IPPK: variants seen among roughly 807,000 people sequenced by gnomAD.
IPPK encodes inositol-pentakisphosphate 2-kinase.
In IPPK, 22 loss-of-function variants were observed where a neutral mutation model predicts 64.6. The ratio of observed to expected loss-of-function variants is 0.34; its 90% CI spans 0.24 to 0.49. The LOEUF (loss-of-function observed/expected upper bound fraction) is 0.49. Among genes scored for constraint, IPPK ranks in the 20% least tolerant of loss-of-function variants. The pLI is 0.99. For missense variants in IPPK, 532 were observed against 630.7 expected (o/e 0.84, Z 1.68); for synonymous variants, 262 against 247.2 (o/e 1.06, Z -0.56).
intron 1 of IPPK, among the ~76,000 whole-genome samples, chr9:92,661,315 G>A (rs1382396912): frequency 6.6e-6 from 1 of 152,208 alleles, no homozygotes; most frequent in Non-Finnish European, 1.5e-5. Flanking sequence ...GGTCATGTGG[G>A]GTGAAGCCAA....
At chr9:92,638,522 A>G (rs1016801080) in intron 8 of IPPK, among the ~76,000 whole-genome samples, 7 of 152,220 alleles carry the variant, frequency 4.6e-5, no homozygotes, top group African/African-American at 1.7e-4. Context: ...AAAACTAAAG[A>G]GCAGTGCCCT....
intron 11 of IPPK, among the ~76,000 whole-genome samples, chr9:92,629,707 C>CAAAA (rs201735483): frequency 1.1e-5 from 1 of 94,682 alleles, no homozygotes. Flanking sequence ...GATTCTATCT[C>CAAAA]AAAAAAAAAA....
chr9:92,626,193 T>G (rs146108168), intron 11 of IPPK, among the ~76,000 whole-genome samples: 5,528 of 152,074 alleles, frequency 0.036, 140 homozygotes, highest in Middle Eastern at 0.075. Flanking sequence ...GTCAGGAGAT[T>G]GAGACCATCC....
At chr9:92,663,734 T>C (rs998818247) in intron 1 of IPPK, among the ~76,000 whole-genome samples, 7 of 152,136 alleles carry the variant, frequency 4.6e-5, no homozygotes, top group African/African-American at 1.7e-4. Context: ...GAGGAGAGAC[T>C]TTCCCGCCAC....
At chr9:92,621,954 C>A (rs1851645745) in intron 11 of IPPK, among the ~76,000 whole-genome samples, 1 of 152,202 alleles carries the variant, frequency 6.6e-6, no homozygotes, top group East Asian at 1.9e-4. Flanking sequence ...TCTTATCACT[C>A]ATAAACATCT....
intron 1 of IPPK, among the ~76,000 whole-genome samples, chr9:92,662,144 T>TA (rs1458140655): frequency 1.3e-5 from 2 of 152,332 alleles, no homozygotes; most frequent in Admixed American, 1.3e-4. Flanking sequence ...GCTATGGAGA[T>TA]AATGACACTA....
chr9:92,638,700 G>C (rs1288740108), intron 8 of IPPK, among the ~76,000 whole-genome samples: 1 of 152,238 alleles, frequency 6.6e-6, no homozygotes, highest in African/African-American at 2.4e-5. Context: ...GTCAGCACCA[G>C]CACCACAAAC....
intron 8 of IPPK, among the ~76,000 whole-genome samples, chr9:92,638,732 C>T (rs1345734835): frequency 4.6e-5 from 7 of 152,234 alleles, no homozygotes; most frequent in African/African-American, 1.7e-4. Flanking sequence ...GGGGTTCAGG[C>T]CACGCCCAGG....
In IPPK at chr9:92,653,671, G is replaced by A. The variant is rs778521697; in HGVS notation, c.226-1032C>T. Among the ~76,000 whole-genome samples the A allele has an allele frequency of 3.3e-5, 5 of 152,270 alleles. No homozygotes were observed. In the South Asian group the frequency reaches 8.3e-4, roughly 25 times the overall value. ...TCAAGACCAGCCTGACCAACATGGT[G>A]AAACCCCGTCTCTACTAAAAATACA... On this transcript the variant is annotated intron_variant, in intron 3 of 12. Coordinates refer to ENST00000287996, the MANE Select transcript of IPPK (RefSeq NM_022755.6).
intron 5 of IPPK, 42 bp downstream of exon 5, chr9:92,649,411 C>A (rs1322641294): frequency 6.2e-7 from 1 of 1,612,416 alleles, no homozygotes; most frequent in Non-Finnish European, 8.5e-7. Flanking sequence ...CCAAGACTGA[C>A]CTTTCCCCTT....
At chr9:92,621,008 T>C (rs724102) in intron 11 of IPPK, among the ~76,000 whole-genome samples, 49,723 of 152,112 alleles carry the variant, frequency 0.33, 9,690 homozygotes, top group African/African-American at 0.53. Context: ...GCAGATCTGC[T>C]ATCTGGCGAG....
Position 92,634,396 on chromosome 9 carries a change from G to A in IPPK, c.1160C>T (p.Ala387Val), listed in dbSNP as rs1851899753. 5.0e-6 allele frequency: 8 copies of A among 1,611,678 alleles called. No homozygotes were observed. Among genetic ancestry groups the A allele is most frequent in the African/African-American group, 1.3e-5 (1 of 74,878 alleles). The change falls in exon 11 of 13, where the codon GCG becomes GTG. Residue 387 changes from alanine (A) to valine (V), a missense_variant. By Grantham distance (64) the Ala-to-Val change is moderately conservative. Transcript: ENST00000287996. Reference sequence around the variant, plus strand: ...GATGGGTCTGCCCACCTTCGTTAGCGCGAAGGCCACTGTCCCGTCATCCTC... The same window carrying A: ...GATGGGTCTGCCCACCTTCGTTAGCACGAAGGCCACTGTCCCGTCATCCTC... ...STEDDGTVAF[A>V]LTKVQQYRVA...
intron 1 of IPPK, among the ~76,000 whole-genome samples, chr9:92,667,502 C>T (rs1852624917): frequency 6.6e-6 from 1 of 152,226 alleles, no homozygotes; most frequent in Admixed American, 6.5e-5. Flanking sequence ...CTCCATCTGA[C>T]CTTAACTTGA....
chr9:92,658,580 CAG>C (rs1013030043), intron 2 of IPPK, 52 bp downstream of exon 2: 2 of 1,427,374 alleles, frequency 1.4e-6, no homozygotes, highest in South Asian at 1.2e-5. Context: ...AAAAAAAAAT[CAG>C]AGTTTTCTTA....
chr9:92,622,711 C>CT (rs895801675), intron 11 of IPPK, among the ~76,000 whole-genome samples: 4 of 150,750 alleles, frequency 2.7e-5, no homozygotes, highest in South Asian at 4.2e-4. Context: ...ATCCCAGTGG[C>CT]TTTTTTTTTA....
At chr9:92,663,909 C>T (rs1262268518) in intron 1 of IPPK, among the ~76,000 whole-genome samples, 2 of 152,244 alleles carry the variant, frequency 1.3e-5, no homozygotes, top group African/African-American at 4.8e-5. Context: ...AAGACAACAG[C>T]AGCAGGGGTC....
At chr9:92,655,938 G>A (rs1587642056) in intron 3 of IPPK, among the ~76,000 whole-genome samples, 2 of 152,200 alleles carry the variant, frequency 1.3e-5, no homozygotes, top group Non-Finnish European at 2.9e-5. Flanking sequence ...GTGAGCCAGG[G>A]CTGGCAATCT....
At chr9:92,661,502 C>T (rs1260747775) in intron 1 of IPPK, among the ~76,000 whole-genome samples, 2 of 152,186 alleles carry the variant, frequency 1.3e-5, no homozygotes, top group Admixed American at 6.5e-5. Context: ...GTGGCCCTCC[C>T]ACTCGGCCCT....
chr9:92,624,308 T>C (rs1851696288), intron 11 of IPPK, among the ~76,000 whole-genome samples: 1 of 152,032 alleles, frequency 6.6e-6, no homozygotes, highest in African/African-American at 2.4e-5. Flanking sequence ...TGAAACCCCA[T>C]CTCTACTAAA....
Sources: allele counts gnomAD v4.1 joint callset (sites outside exome capture counted in the v4.1 genomes callset), GRCh38; gene constraint gnomAD v4.1.1; transcripts MANE v1.5; gene names NCBI Gene and HGNC (gene_info 2026-07-23, HGNC 2026-07-21).